The following PRPF3 variants were observed in gnomAD, a reference collection of about 807,000 sequenced individuals.
PRPF3 encodes U4/U6 small nuclear ribonucleoprotein Prp3.
Under a neutral mutation model 89.2 loss-of-function variants are expected in PRPF3, and 3 were observed. That is an observed-to-expected ratio of 0.03 (90% confidence interval 0.02 to 0.09). The LOEUF is 0.09. Ranked by LOEUF, PRPF3 falls within the 10% of genes least tolerant of loss-of-function variation. The pLI, the probability that PRPF3 is intolerant of heterozygous loss-of-function variation, is 1.00. For synonymous variants in PRPF3, 270 were observed against 289.1 expected, an observed-to-expected ratio of 0.93 and a Z score of 0.67; for missense variants, 463 against 828.8, an observed-to-expected ratio of 0.56 and a Z score of 5.42.
At chr1:150,349,117 G>A in intron 14 of PRPF3, 40 bp from the exon 15 acceptor site, 1 of 1,520,602 alleles carries the variant, frequency 6.6e-7, no homozygotes, top group Non-Finnish European at 9.1e-7. Context: ...TTTAGAACCT[G>A]AATCTCAAGT....
Position 150,340,379 on chromosome 1 carries a change from T to G in PRPF3, c.1203-19T>G, listed in dbSNP as rs1657564344. The stretch of plus-strand genomic sequence containing the variant: ...TCTCTACCCGCATATCGTGTTTTCT[T>G]TTCTTCCTACAATTTTAGTACAGAG... On this transcript the variant is annotated intron_variant, in intron 8 of 15. Coordinates refer to ENST00000324862, the MANE Select transcript of PRPF3 (RefSeq NM_004698.4). 8 of 1,545,016 alleles carry G rather than the reference T, an allele frequency of 5.2e-6. No homozygotes were observed. The African/African-American group carries it at 9.5e-5, about 18-fold the overall frequency.
intron 5 of PRPF3, 98 bp from the exon 6 acceptor site, chr1:150,332,881 G>A (rs1222210567): frequency 1.3e-6 from 2 of 1,487,866 alleles, no homozygotes; most frequent in Non-Finnish European, 9.3e-7. Flanking sequence ...ATAATCATCT[G>A]CTACAGTCTA....
intron 2 of PRPF3, 60 bp from the exon 3 acceptor site, chr1:150,325,691 C>T: frequency 6.9e-6 from 11 of 1,586,752 alleles, no homozygotes; most frequent in Non-Finnish European, 9.5e-6. Context: ...TGTTATAGGC[C>T]TAGTATTAGA....
chr1:150,336,237 A>G (rs772945388), intron 7 of PRPF3, among the ~76,000 whole-genome samples: 17 of 152,162 alleles, frequency 1.1e-4, no homozygotes, highest in Non-Finnish European at 1.9e-4. Flanking sequence ...GGAATGTGCA[A>G]CATAGCCCCC....
chr1:150,336,695 G>T (rs1657037904), intron 7 of PRPF3, among the ~76,000 whole-genome samples: 1 of 152,014 alleles, frequency 6.6e-6, no homozygotes, highest in Admixed American at 6.6e-5. Flanking sequence ...GGCAGAGGTT[G>T]CAGTGAGCTG....
intron 6 of PRPF3, 98 bp downstream of exon 6, chr1:150,333,297 G>A: frequency 7.4e-7 from 1 of 1,348,988 alleles, no homozygotes; most frequent in African/African-American, 1.4e-5. Flanking sequence ...CAGTGCCTCA[G>A]GCCTGTAATC....
intron 1 of PRPF3, among the ~76,000 whole-genome samples, chr1:150,324,569 T>TGAG (rs1241094207): frequency 6.8e-6 from 1 of 148,004 alleles, no homozygotes; most frequent in Non-Finnish European, 1.5e-5. Context: ...TTTTTTTTTG[T>TGAG]AGAGAGAGTC....
At chr1:150,344,621 T>C (rs1232957743) in intron 12 of PRPF3, 74 bp downstream of exon 12, 40 of 1,506,432 alleles carry the variant, frequency 2.7e-5, no homozygotes, top group Middle Eastern at 1.7e-4. Context: ...GGCAGAATCA[T>C]TGTGGCCTAA....
chr1:150,327,496 T>TC (rs1266372483), intron 3 of PRPF3: 2 of 873,360 alleles, frequency 2.3e-6, no homozygotes, highest in African/African-American at 3.6e-5. Context: ...CCATTTTTGG[T>TC]CCATTCAGGT....
Position 150,325,100 on chromosome 1 carries a change from C to A in PRPF3, c.145+13C>A. The A allele has an allele frequency of 6.2e-7, 1 of 1,612,406 alleles. No homozygotes were observed. Among genetic ancestry groups the A allele is most frequent in the African/African-American group, 1.3e-5 (1 of 74,958 alleles). ...AAGAAGGCAGCCGGTATGTACCTTT[C>A]TGCATCTTTTATCTTAACATATAGG... On this transcript the variant is annotated intron_variant, in intron 2 of 15. Coordinates refer to ENST00000324862, the MANE Select transcript of PRPF3 (RefSeq NM_004698.4).
chr1:150,348,872 G>A, intron 14 of PRPF3: 2 of 422,408 alleles, frequency 4.7e-6, no homozygotes, highest in South Asian at 2.4e-5. Context: ...CCTAGGACAA[G>A]TTTTTATTCT....
At chr1:150,328,510 A>G in intron 4 of PRPF3, 44 bp downstream of exon 4, 1 of 1,601,416 alleles carries the variant, frequency 6.2e-7, no homozygotes, top group Non-Finnish European at 8.5e-7. Flanking sequence ...TGTGAGTTGA[A>G]GAAGCAAAAG....
intron 6 of PRPF3, 44 bp downstream of exon 6, chr1:150,333,243 G>T: frequency 6.3e-7 from 1 of 1,592,532 alleles, no homozygotes; most frequent in South Asian, 1.1e-5. Flanking sequence ...TCTGAAGTTT[G>T]AGAAGCAATA....
chr1:150,340,076 G>A (rs1365462713), intron 8 of PRPF3, among the ~76,000 whole-genome samples: 2 of 152,042 alleles, frequency 1.3e-5, no homozygotes, highest in Admixed American at 1.3e-4. Context: ...GCCTTTCGTT[G>A]CCCCTTCTTT....
Position 150,328,433 on chromosome 1 carries a change from A to G in PRPF3, c.390A>G (p.Pro130=), listed in dbSNP as rs140205822. 1.9e-6 allele frequency: 3 copies of G among 1,614,004 alleles called. No individual in the cohort carries two copies. The highest frequency in any genetic ancestry group is 2.5e-6 in the Non-Finnish European group (3 of 1,179,998). The change falls in exon 4 of 16, where the codon CCA becomes CCG. Residue 130 remains proline, a synonymous_variant. Transcript: ENST00000324862. ...EEEPEVIPGP[P]SESPGMLTKL... is the part of the protein sequence containing the mutation. ...AGCCAGAGGTGATCCCTGGGCCTCCATCAGAGAGCCCTGGCATGCTGACTA... is the reference window on the plus strand; with the variant it reads ...AGCCAGAGGTGATCCCTGGGCCTCCGTCAGAGAGCCCTGGCATGCTGACTA...
chr1:150,323,149 A>T, intron 1 of PRPF3, among the ~76,000 whole-genome samples: 1 of 130,926 alleles, frequency 7.6e-6, no homozygotes, highest in Non-Finnish European at 1.6e-5. Context: ...TGTTGGGATT[A>T]CAGGCGTGAG....
intron 1 of PRPF3, among the ~76,000 whole-genome samples, chr1:150,322,206 A>G (rs78715728): frequency 0.014 from 2,132 of 152,294 alleles, 54 homozygotes; most frequent in African/African-American, 0.049. Context: ...CTATCATTCA[A>G]TTCTAGTGGA....
At chr1:150,349,867 A>C (rs1411321148) in intron 15 of PRPF3, among the ~76,000 whole-genome samples, 1 of 91,228 alleles carries the variant, frequency 1.1e-5, no homozygotes, top group East Asian at 3.4e-4. Flanking sequence ...GGTATAGTAC[A>C]TGTATATCTT....
At chr1:150,338,060 A>T in intron 7 of PRPF3, 100 bp from the exon 8 acceptor site, 2 of 1,311,828 alleles carry the variant, frequency 1.5e-6, no homozygotes, top group Non-Finnish European at 2.1e-6. Flanking sequence ...GGCAAGAAGA[A>T]CGAAACTCCG....
Sources: allele counts gnomAD v4.1 joint callset (sites outside exome capture counted in the v4.1 genomes callset), GRCh38; gene constraint gnomAD v4.1.1; transcripts MANE v1.5; gene names NCBI Gene and HGNC (gene_info 2026-07-23, HGNC 2026-07-21).